LIN28B: variants seen among roughly 807,000 people sequenced by gnomAD.
LIN28B encodes protein lin-28 homolog B.
Under a neutral mutation model 21.9 loss-of-function variants are expected in LIN28B, and 5 were observed. The observed-to-expected ratio is 0.23, with a 90% CI of 0.12 to 0.48. The LOEUF (loss-of-function observed/expected upper bound fraction) is 0.48. LIN28B is among the 20% of genes least tolerant of loss of function. The probability of loss-of-function intolerance (pLI) is 0.98; values close to 1 mark genes in which losing one functional copy is unlikely to be tolerated. For missense variants in LIN28B, 245 were observed against 310.5 expected, an observed-to-expected ratio of 0.79 and a Z score of 1.58; for synonymous variants, 109 against 111.3, an observed-to-expected ratio of 0.98 and a Z score of 0.13.
At chr6:104,976,613 C>T (rs1770100331) in intron 2 of LIN28B, among the ~76,000 whole-genome samples, 1 of 152,168 alleles carries the variant, frequency 6.6e-6, no homozygotes, top group Admixed American at 6.5e-5. Context: ...TAGCAATTGC[C>T]AATGCTTTTA....
chr6:104,948,334 G>A (rs755677073), intron 2 of LIN28B, among the ~76,000 whole-genome samples: 2 of 152,070 alleles, frequency 1.3e-5, no homozygotes, highest in African/African-American at 2.4e-5. Context: ...AGGCATGGTC[G>A]CACATGCCTG....
chr6:104,961,244 TCA>T (rs1210966799), intron 2 of LIN28B, among the ~76,000 whole-genome samples: 1 of 152,200 alleles, frequency 6.6e-6, no homozygotes, highest in Admixed American at 6.5e-5. Context: ...TTGTCATATC[TCA>T]CTGTTGAAGT....
chr6:105,020,701 T>A (rs1294995908), intron 2 of LIN28B, among the ~76,000 whole-genome samples: 1 of 146,934 alleles, frequency 6.8e-6, no homozygotes, highest in Non-Finnish European at 1.5e-5. Flanking sequence ...TCCACCTCCC[T>A]CCCAACCCCT....
chr6:105,041,104 G>T (rs962668132), intron 3 of LIN28B, among the ~76,000 whole-genome samples: 4 of 151,000 alleles, frequency 2.6e-5, no homozygotes, highest in Non-Finnish European at 4.4e-5. Flanking sequence ...TAGAGACAGG[G>T]TTTCACCATG....
At chr6:104,959,531 C>G (rs1226912724) in intron 2 of LIN28B, among the ~76,000 whole-genome samples, 1 of 152,154 alleles carries the variant, frequency 6.6e-6, no homozygotes, top group African/African-American at 2.4e-5. Flanking sequence ...AGCTTCCTGA[C>G]CTTGCTGTGT....
At position 104,992,298 on chromosome 6, in the gene LIN28B, C is replaced by G. The variant is rs139357970; in HGVS notation, c.199-34000C>G. ...TGGAAGTGCAGTGACCTCAGGTGATCCGCCCACCTTGGCCTCCCAAAGTGC... is the reference window on the plus strand; with the variant it reads ...TGGAAGTGCAGTGACCTCAGGTGATGCGCCCACCTTGGCCTCCCAAAGTGC... On this transcript the variant is annotated intron_variant, in intron 2 of 3. Transcript: ENST00000345080. Among the ~76,000 whole-genome samples the G allele has an allele frequency of 1.9e-3, 288 of 152,156 alleles. 1 individual carries two copies. The highest frequency in any genetic ancestry group is 6.7e-3 in the African/African-American group (279 of 41,514).
At chr6:105,049,404 G>A (rs935683264) in intron 3 of LIN28B, among the ~76,000 whole-genome samples, 1 of 152,182 alleles carries the variant, frequency 6.6e-6, no homozygotes, top group East Asian at 1.9e-4. Context: ...CATTTGCTGA[G>A]GAGTGCTTTA....
intron 2 of LIN28B, among the ~76,000 whole-genome samples, chr6:104,983,457 G>A (rs1387934249): frequency 1.3e-5 from 2 of 152,244 alleles, no homozygotes; most frequent in Non-Finnish European, 2.9e-5. Context: ...GCCTTTCCTT[G>A]AGTAGCAGCA....
At chr6:105,060,761 A>G (rs931348468) in intron 3 of LIN28B, among the ~76,000 whole-genome samples, 11 of 152,360 alleles carry the variant, frequency 7.2e-5, no homozygotes, top group East Asian at 3.9e-4. Context: ...TGTGAATGCA[A>G]TGATAAATGT....
chr6:105,050,344 T>C (rs1427638006), intron 3 of LIN28B, among the ~76,000 whole-genome samples: 1 of 152,128 alleles, frequency 6.6e-6, no homozygotes, highest in Non-Finnish European at 1.5e-5. Flanking sequence ...GGCTCACGCC[T>C]GTAATCCCAG....
chr6:105,021,284 T>C (rs1329027148), intron 2 of LIN28B, among the ~76,000 whole-genome samples: 1 of 152,196 alleles, frequency 6.6e-6, no homozygotes, highest in East Asian at 1.9e-4. Flanking sequence ...CATTGATAAA[T>C]AGTTTGATTC....
At chr6:105,025,605 C>G (rs1314710587) in intron 2 of LIN28B, among the ~76,000 whole-genome samples, 3 of 152,122 alleles carry the variant, frequency 2.0e-5, no homozygotes, top group Non-Finnish European at 4.4e-5. Context: ...GACCACATCT[C>G]TATATAATAA....
chr6:105,071,183 T>C (rs1364734985), intron 3 of LIN28B, among the ~76,000 whole-genome samples: 3 of 152,164 alleles, frequency 2.0e-5, no homozygotes, highest in Admixed American at 2.0e-4. Context: ...CGGCCGGTTT[T>C]TACATGCATT....
At chr6:104,976,814 G>A (rs529824097) in intron 2 of LIN28B, among the ~76,000 whole-genome samples, 1 of 152,340 alleles carries the variant, frequency 6.6e-6, no homozygotes, top group African/African-American at 2.4e-5. Flanking sequence ...CAAAAGGGAA[G>A]GAGGTGGAAG....
At chr6:104,984,717 G>A (rs966799320) in intron 2 of LIN28B, among the ~76,000 whole-genome samples, 2 of 152,096 alleles carry the variant, frequency 1.3e-5, no homozygotes, top group South Asian at 4.1e-4. Context: ...ATTTTTAAAT[G>A]TATGTTAAGT....
intron 2 of LIN28B, among the ~76,000 whole-genome samples, chr6:104,971,692 GATTT>G (rs981333276): frequency 1.8e-4 from 27 of 151,854 alleles, no homozygotes; most frequent in Non-Finnish European, 3.1e-4. Flanking sequence ...TACAGCAATT[GATTT>G]ATTTTTTTAT....
intron 2 of LIN28B, among the ~76,000 whole-genome samples, chr6:104,946,208 C>T (rs1778154853): frequency 6.6e-6 from 1 of 151,900 alleles, no homozygotes; most frequent in African/African-American, 2.4e-5. Context: ...TTTTCAAACT[C>T]CAATAGCCTA....
intron 3 of LIN28B, among the ~76,000 whole-genome samples, chr6:105,069,310 G>C (rs1050500486): frequency 6.6e-6 from 1 of 152,168 alleles, no homozygotes; most frequent in East Asian, 1.9e-4. Flanking sequence ...TTTATATGCT[G>C]TTCAAAATTA....
chr6:104,957,391 C>G (rs1055738675), intron 1 of LIN28B, 131 bp downstream of exon 1: 3 of 603,552 alleles, frequency 5.0e-6, no homozygotes, highest in African/African-American at 3.9e-5. Flanking sequence ...ACCTCCCAAC[C>G]CCCCATCACG....
Sources: gnomAD v4.1 joint callset for allele counts (sites outside exome capture counted in the v4.1 genomes callset) on GRCh38, gnomAD v4.1.1 for gene constraint, MANE v1.5 for transcripts, NCBI Gene and HGNC (gene_info 2026-07-23, HGNC 2026-07-21) for gene names.